OSTN: variants seen among roughly 807,000 people sequenced by gnomAD.
OSTN encodes the protein osteocrin.
A neutral mutation model predicts 12.0 loss-of-function variants in OSTN; 9 were observed. The ratio of observed to expected loss-of-function variants is 0.75; its 90% CI spans 0.45 to 1.30. OSTN has a LOEUF of 1.30. OSTN is among the 50% of genes most tolerant of loss of function. The probability of loss-of-function intolerance (pLI) is 0.00; values close to 1 mark genes in which losing one functional copy is unlikely to be tolerated. For missense variants in OSTN, 148 were observed against 152.3 expected (o/e 0.97, Z 0.15); for synonymous variants, 59 against 56.9 (o/e 1.04, Z -0.16).
intron 1 of OSTN, among the ~76,000 whole-genome samples, chr3:191,208,101 C>T (rs1050435169): frequency 6.6e-6 from 1 of 152,082 alleles, no homozygotes; most frequent in Non-Finnish European, 1.5e-5. Context: ...CCACACTATC[C>T]AGAGAAATAT....
At chr3:191,218,312 T>C (rs1354582193) in intron 2 of OSTN, among the ~76,000 whole-genome samples, 3 of 152,160 alleles carry the variant, frequency 2.0e-5, no homozygotes, top group Admixed American at 1.3e-4. Flanking sequence ...GCACTCTCTA[T>C]GGAAAATAAC....
At chr3:191,253,773 T>C (rs1395571072) in intron 4 of OSTN, among the ~76,000 whole-genome samples, 1 of 152,256 alleles carries the variant, frequency 6.6e-6, no homozygotes, top group Non-Finnish European at 1.5e-5. Flanking sequence ...CTGGTTGCAT[T>C]AATGCAAATT....
intron 4 of OSTN, among the ~76,000 whole-genome samples, chr3:191,252,026 TAAA>T (rs1417158801): frequency 7.9e-5 from 12 of 152,182 alleles, no homozygotes; most frequent in Admixed American, 7.9e-4. Context: ...CGAGTTATGT[TAAA>T]CAAATTATAC....
At chr3:191,223,126 G>T (rs1322249730) in intron 3 of OSTN, among the ~76,000 whole-genome samples, 1 of 152,120 alleles carries the variant, frequency 6.6e-6, no homozygotes, top group African/African-American at 2.4e-5. Flanking sequence ...TCTTTAGAAA[G>T]TACCATAATG....
intron 4 of OSTN, among the ~76,000 whole-genome samples, chr3:191,260,523 C>A (rs1474763874): frequency 1.3e-5 from 2 of 152,136 alleles, no homozygotes; most frequent in African/African-American, 4.8e-5. Context: ...CACCAGGTGT[C>A]CCCTCCTGGG....
Position 191,260,731 on chromosome 3 carries a change from A to G in OSTN, c.*13-2135A>G, listed in dbSNP as rs371245996. Among the ~76,000 whole-genome samples the G allele has an allele frequency of 8.1e-4, 123 of 152,276 alleles. 1 individual carries two copies. The highest frequency in any genetic ancestry group is 3.4e-3 in the Middle Eastern group (1 of 294). ...TGCCCTTCGGGTGATGGAGACCAGG[A>G]AAGACTGCTCCCACTTAGTCAGATG... On this transcript the variant is annotated intron_variant, in intron 4 of 4. Transcript: ENST00000682035.
At chr3:191,239,015 A>T (rs1715262933) in intron 3 of OSTN, among the ~76,000 whole-genome samples, 1 of 152,254 alleles carries the variant, frequency 6.6e-6, no homozygotes, top group Admixed American at 6.5e-5. Context: ...CTCAAGGTTC[A>T]TGAGCCAAGT....
chr3:191,213,319 C>G (rs1035634638), intron 2 of OSTN: 2 of 152,128 alleles, frequency 1.3e-5, no homozygotes, highest in Non-Finnish European at 2.9e-5. Context: ...TTATTGCCAA[C>G]ATGCCATTCA....
intron 4 of OSTN, among the ~76,000 whole-genome samples, chr3:191,260,225 A>T (rs1329318999): frequency 6.6e-6 from 1 of 151,414 alleles, no homozygotes; most frequent in African/African-American, 2.4e-5. Context: ...TTAATTTAGG[A>T]ATTTTAGTCT....
At chr3:191,213,448 G>A (rs543014967) in intron 2 of OSTN, 206 of 151,914 alleles carry the variant, frequency 1.4e-3, no homozygotes, top group African/African-American at 4.6e-3. Context: ...TGAATTCCTT[G>A]AACAAAAAAA....
At chr3:191,202,913 A>G (rs1464996311) in intron 1 of OSTN, among the ~76,000 whole-genome samples, 1 of 152,238 alleles carries the variant, frequency 6.6e-6, no homozygotes, top group African/African-American at 2.4e-5. Flanking sequence ...ATAGTTTTAT[A>G]TCAAGAAATA....
In OSTN at chr3:191,200,104, G is replaced by T. The variant is rs563505470; in HGVS notation, c.-1+797G>T. On this transcript the variant is annotated intron_variant, in intron 1 of 4. Coordinates refer to ENST00000682035, the MANE Select transcript of OSTN (RefSeq NM_198184.2). ...CTAAAAATTTAACATTTTTGAGAATGAATTATGGTAATTTTAATGCCTATA... is the reference window on the plus strand; with the variant it reads ...CTAAAAATTTAACATTTTTGAGAATTAATTATGGTAATTTTAATGCCTATA... Among the ~76,000 whole-genome samples, 19 of 152,234 alleles carry T rather than the reference G, an allele frequency of 1.2e-4. No homozygotes were observed. The South Asian group carries it at 3.7e-3, about 30-fold the overall frequency.
At chr3:191,239,593 T>C (rs1216104273) in intron 3 of OSTN, among the ~76,000 whole-genome samples, 2 of 152,234 alleles carry the variant, frequency 1.3e-5, no homozygotes. Context: ...AATCAGCACC[T>C]TCATCATAAA....
At chr3:191,247,769 GT>G in intron 3 of OSTN, among the ~76,000 whole-genome samples, 1 of 152,230 alleles carries the variant, frequency 6.6e-6, no homozygotes, top group South Asian at 2.1e-4. Context: ...ACTTATCAAT[GT>G]TTATAGATTT....
intron 4 of OSTN, among the ~76,000 whole-genome samples, chr3:191,258,602 T>A (rs1341654300): frequency 6.6e-6 from 1 of 150,816 alleles, no homozygotes; most frequent in East Asian, 1.9e-4. Context: ...GGCACATGTA[T>A]AGCTATGTAA....
At chr3:191,235,505 G>C (rs1481378683) in intron 3 of OSTN, among the ~76,000 whole-genome samples, 4 of 152,168 alleles carry the variant, frequency 2.6e-5, no homozygotes, top group African/African-American at 9.7e-5. Context: ...ACCTGTCTTT[G>C]TGCCCTCATG....
intron 2 of OSTN, among the ~76,000 whole-genome samples, chr3:191,217,981 G>A (rs1471660686): frequency 6.6e-6 from 1 of 151,666 alleles, no homozygotes; most frequent in East Asian, 1.9e-4. Context: ...AATACTATGA[G>A]CAAAATACGA....
At chr3:191,232,701 A>G (rs1374204256) in intron 3 of OSTN, among the ~76,000 whole-genome samples, 1 of 151,186 alleles carries the variant, frequency 6.6e-6, no homozygotes, top group Admixed American at 6.6e-5. Flanking sequence ...CCCAGTTTCA[A>G]GTGATTCTCC....
chr3:191,241,375 G>A (rs1412356963), intron 3 of OSTN, among the ~76,000 whole-genome samples: 2 of 151,444 alleles, frequency 1.3e-5, no homozygotes, highest in Non-Finnish European at 2.9e-5. Flanking sequence ...TAGTAGAGAC[G>A]GGGTTTCACT....
Sources: gnomAD v4.1 joint callset for allele counts (sites outside exome capture counted in the v4.1 genomes callset) on GRCh38, gnomAD v4.1.1 for gene constraint, MANE v1.5 for transcripts, NCBI Gene and HGNC (gene_info 2026-07-23, HGNC 2026-07-21) for gene names.